The following NDUFC1 variants were observed in gnomAD, a reference collection of about 807,000 sequenced individuals.
NDUFC1 encodes NADH dehydrogenase [ubiquinone] 1 subunit C1, mitochondrial.
In NDUFC1, 11 loss-of-function variants were observed where a neutral mutation model predicts 11.6. The ratio of observed to expected loss-of-function variants is 0.95; its 90% CI spans 0.60 to 1.58. The LOEUF (loss-of-function observed/expected upper bound fraction) is 1.58, where lower values mean the gene tolerates loss of function less well. NDUFC1 is among the 40% of genes most tolerant of loss of function. NDUFC1 has a pLI of 0.00. For missense variants in NDUFC1, 112 were observed against 93.0 expected (o/e 1.20, Z -0.84); for synonymous variants, 52 against 42.2 (o/e 1.23, Z -0.90).
chr4:139,301,822 G>C, intron 1 of NDUFC1: 4 of 1,594,014 alleles, frequency 2.5e-6, no homozygotes, highest in Non-Finnish European at 3.4e-6. Flanking sequence ...CGCTCTTCAA[G>C]CGGATCTTGG....
chr4:139,301,961 C>T (rs1221999140), intron 1 of NDUFC1: 5 of 978,520 alleles, frequency 5.1e-6, no homozygotes, highest in South Asian at 1.6e-5. Flanking sequence ...TCTCGTCAGG[C>T]CGAATGCATT....
chr4:139,293,930 ATTTTTTTTTTTT>A lies in NDUFC1; in HGVS notation c.171+1101_171+1112del, dbSNP rs775805536. Among the ~76,000 whole-genome samples the A allele has an allele frequency of 1.1e-4, 8 of 69,746 alleles. No homozygotes were observed. The East Asian group carries it at 1.4e-3, about 12-fold the overall frequency. 45.8% of individuals were successfully genotyped at this position (69,746 alleles called of 152,430 possible). The stretch of plus-strand genomic sequence containing the variant: ...TTTATGTGTAAAGCATGTGGTGTGA[ATTTTTTTTTTTT>A]TTTTTTTTTTTTTTTTTGAGACAGA... On this transcript the variant is annotated intron_variant, in intron 4 of 5. Transcript: ENST00000394223.
chr4:139,290,456 CTT>C (rs1745164793), intron 5 of NDUFC1, among the ~76,000 whole-genome samples: 1 of 150,804 alleles, frequency 6.6e-6, no homozygotes, highest in African/African-American at 2.4e-5. Flanking sequence ...CATTTTATCT[CTT>C]GATTGGCTGA....
Position 139,300,155 on chromosome 4 carries a change from C to G in NDUFC1, c.-222+2261G>C, listed in dbSNP as rs533921356. Among the ~76,000 whole-genome samples, 8 of 152,224 alleles carry G rather than the reference C, an allele frequency of 5.3e-5. No individual in the cohort carries two copies. In the East Asian group the frequency reaches 1.5e-3, roughly 29 times the overall value. ...TATAAAGTTAAGGTTAAAATACTGGCCATATTTCAAACTGAAACATAGTTT... is the reference window on the plus strand; with the variant it reads ...TATAAAGTTAAGGTTAAAATACTGGGCATATTTCAAACTGAAACATAGTTT... On this transcript the variant is annotated intron_variant, in intron 1 of 5. Coordinates refer to ENST00000394223, the MANE Select transcript of NDUFC1 (RefSeq NM_001184989.2).
chr4:139,298,425 C>G (rs1264865215), intron 1 of NDUFC1, among the ~76,000 whole-genome samples: 12 of 132,656 alleles, frequency 9.0e-5, no homozygotes, highest in Admixed American at 4.3e-4. Context: ...GCGACAAGAG[C>G]GAAACTCTGT....
intron 1 of NDUFC1, chr4:139,302,045 C>T (rs1403062931): frequency 1.3e-5 from 6 of 447,066 alleles, no homozygotes; most frequent in Non-Finnish European, 2.3e-5. Context: ...TCCATCCCCA[C>T]GCTTGAGGCC....
chr4:139,296,354 G>A (rs1369325682), intron 2 of NDUFC1: 2 of 152,586 alleles, frequency 1.3e-5, no homozygotes, highest in Admixed American at 6.6e-5. Flanking sequence ...CGATCATACT[G>A]AAGCCTCACA....
At chr4:139,301,663 G>T in intron 1 of NDUFC1, 1 of 1,242,422 alleles carries the variant, frequency 8.0e-7, no homozygotes, top group East Asian at 2.7e-5. Context: ...GCCTGGTGGT[G>T]GCGGCGGATC....
At position 139,292,573 on chromosome 4, in the gene NDUFC1, T is replaced by C. The variant is rs1312564671; in HGVS notation, c.208A>G (p.Lys70Glu). Residue 70 changes from lysine (K) to glutamate (E), a missense_variant, in exon 5 of 6, where the codon AAA becomes GAA. By Grantham distance (56) the Lys-to-Glu change is moderately conservative. Coordinates refer to ENST00000394223, the MANE Select transcript of NDUFC1 (RefSeq NM_001184989.2). ...GTTTATTCCAGCCCATTTCTTCTTT[T>C]GTACTCTAAAATATCTTCATTGTGT... is the stretch of plus-strand genomic sequence containing the variant. ...KQHNEDILEY[K>E]RRNGLE 7.0e-6 allele frequency: 11 copies of C among 1,568,310 alleles called. No individual in the cohort carries two copies. The highest frequency in any genetic ancestry group is 9.6e-6 in the Non-Finnish European group (11 of 1,145,532).
chr4:139,294,889 G>A (rs919825580), intron 4 of NDUFC1, among the ~76,000 whole-genome samples, 154 bp downstream of exon 4: 1 of 152,080 alleles, frequency 6.6e-6, no homozygotes, highest in Non-Finnish European at 1.5e-5. Context: ...TTTCTCTTAT[G>A]GAAAAATACG....
At chr4:139,294,221 G>A (rs1417658240) in intron 4 of NDUFC1, among the ~76,000 whole-genome samples, 1 of 151,856 alleles carries the variant, frequency 6.6e-6, no homozygotes, top group South Asian at 2.1e-4. Flanking sequence ...GGGATTACAG[G>A]TGTGAGCCAC....
At position 139,297,648 on chromosome 4, in the gene NDUFC1, A is replaced by G. The variant is rs575038104; in HGVS notation, c.-221-205T>C. Among the ~76,000 whole-genome samples the G allele has an allele frequency of 1.8e-3, 270 of 152,364 alleles. 1 individual carries two copies. Among genetic ancestry groups the G allele is most frequent in the Non-Finnish European group, 2.2e-3 (147 of 68,034 alleles). ...TCCAAGATTTTTCCACTGGGAAAAA[A>G]TCACATCTCCCAAGGAAGGTAAAAA... On this transcript the variant is annotated intron_variant, in intron 1 of 5. Coordinates refer to ENST00000394223, the MANE Select transcript of NDUFC1 (RefSeq NM_001184989.2).
Position 139,295,066 on chromosome 4 carries a change from TGC to T in NDUFC1, c.146_147del (p.Gly49AspfsTer15). The stretch of plus-strand genomic sequence containing the variant: ...ACATAGATCCACAAGAAGACAGTGG[TGC>T]CCAAGGTGAACCCAACTTTCAGCCA... Reference protein sequence around the residue: ...PDWLKVGFTLGTTVFLWIYLI... With the variant: ...PDWLKVGFTLXTTVFLWIYLI... On this transcript the variant is annotated frameshift_variant, in exon 4 of 6. Transcript: ENST00000394223. LOFTEE classifies it high-confidence loss of function. The T allele has an allele frequency of 6.2e-7, 1 of 1,614,140 alleles. No homozygotes were observed. The highest frequency in any genetic ancestry group is 1.7e-5 in the Admixed American group (1 of 60,014).
chr4:139,301,924 T>C (rs1745776008), intron 1 of NDUFC1: 2 of 1,364,808 alleles, frequency 1.5e-6, no homozygotes, highest in Non-Finnish European at 2.0e-6. Context: ...ACTGAGCCAC[T>C]CCCGCCCGGG....
chr4:139,302,001 T>G (rs925260959), intron 1 of NDUFC1: 5 of 641,340 alleles, frequency 7.8e-6, no homozygotes, highest in Non-Finnish European at 1.2e-5. Flanking sequence ...GTTCCTACTA[T>G]GGCCCGCGCG....
intron 5 of NDUFC1, among the ~76,000 whole-genome samples, chr4:139,290,388 C>T (rs181071380): frequency 6.2e-4 from 92 of 149,300 alleles, no homozygotes; most frequent in Non-Finnish European, 9.5e-4. Context: ...TATGCTATCC[C>T]GCTGCCTAGG....
chr4:139,295,036 T>C lies in NDUFC1; in HGVS notation c.171+7A>G. ...AGTCTCACGACATCCGGGAGTAAAG[T>C]ACTTACATAGATCCACAAGAAGACA... On this transcript the variant is annotated splice_region_variant and intron_variant, in intron 4 of 5. Transcript: ENST00000394223. 1 of 1,608,610 alleles carries C rather than the reference T, an allele frequency of 6.2e-7. No individual in the cohort carries two copies. Among genetic ancestry groups the C allele is most frequent in the Non-Finnish European group, 8.5e-7 (1 of 1,175,470 alleles).
intron 5 of NDUFC1, 134 bp downstream of exon 5, chr4:139,292,396 G>A: frequency 2.9e-6 from 1 of 347,408 alleles, no homozygotes; most frequent in Non-Finnish European, 5.2e-6. Context: ...TTATAAATTT[G>A]TCACAGACAG....
At chr4:139,295,581 G>C (rs1454293636) in intron 3 of NDUFC1, 151 bp downstream of exon 3, 2 of 769,746 alleles carry the variant, frequency 2.6e-6, no homozygotes, top group East Asian at 2.8e-5. Flanking sequence ...CTGCGTAGGG[G>C]ACAGGCGTGG....
Sources: gnomAD v4.1 joint callset for allele counts (sites outside exome capture counted in the v4.1 genomes callset) on GRCh38, gnomAD v4.1.1 for gene constraint, MANE v1.5 for transcripts, NCBI Gene and HGNC (gene_info 2026-07-23, HGNC 2026-07-21) for gene names.